The following SMAD3 variants were observed in gnomAD, a reference collection of about 807,000 sequenced individuals.
SMAD3 encodes SMAD family member 3, also known as MAD homolog 3.
A neutral mutation model predicts 51.8 loss-of-function variants in SMAD3; 12 were observed. The ratio of observed to expected loss-of-function variants is 0.23; its 90% CI spans 0.15 to 0.38. The LOEUF (loss-of-function observed/expected upper bound fraction) is 0.38, where lower values mean the gene tolerates loss of function less well. Ranked by LOEUF, SMAD3 falls within the 10% of genes least tolerant of loss-of-function variation. The pLI, the probability that SMAD3 is intolerant of heterozygous loss-of-function variation, is 1.00. For synonymous variants in SMAD3, 238 were observed against 227.7 expected (o/e 1.05, Z -0.41); for missense variants, 294 against 565.6 (o/e 0.52, Z 4.87).
chr15:67,165,825 C>G (rs1050178498), intron 3 of SMAD3, among the ~76,000 whole-genome samples: 3 of 152,180 alleles, frequency 2.0e-5, no homozygotes, highest in African/African-American at 4.8e-5. Flanking sequence ...GTGAGGGGCT[C>G]CAACCTGGGT....
intron 1 of SMAD3, among the ~76,000 whole-genome samples, chr15:67,074,795 T>G (rs1960133061): frequency 6.6e-6 from 1 of 152,218 alleles, no homozygotes; most frequent in Non-Finnish European, 1.5e-5. Context: ...GTTCAAGCAG[T>G]TCTCCTGCCT....
chr15:67,101,166 G>C (rs1017728187), intron 1 of SMAD3, among the ~76,000 whole-genome samples: 3 of 152,144 alleles, frequency 2.0e-5, no homozygotes, highest in African/African-American at 7.2e-5. Context: ...TTAGCGAAAG[G>C]GACTAATTGT....
intron 1 of SMAD3, among the ~76,000 whole-genome samples, chr15:67,153,977 T>C (rs962234796): frequency 6.6e-6 from 1 of 152,226 alleles, no homozygotes; most frequent in African/African-American, 2.4e-5. Flanking sequence ...TCTTTGTGTG[T>C]TTCCAGTGGA....
chr15:67,118,771 G>A (rs1961192569), intron 1 of SMAD3, among the ~76,000 whole-genome samples: 1 of 152,210 alleles, frequency 6.6e-6, no homozygotes, highest in South Asian at 2.1e-4. Flanking sequence ...CAACCCAAAT[G>A]CTGTCTTTGC....
At chr15:67,182,035 C>T (rs952901841) in intron 6 of SMAD3, among the ~76,000 whole-genome samples, 1 of 152,180 alleles carries the variant, frequency 6.6e-6, no homozygotes, top group Non-Finnish European at 1.5e-5. Flanking sequence ...GATCCACCTG[C>T]CTTGGCCTCC....
chr15:67,073,253 A>G (rs1960095884), intron 1 of SMAD3, among the ~76,000 whole-genome samples: 1 of 152,228 alleles, frequency 6.6e-6, no homozygotes, highest in Admixed American at 6.5e-5. Flanking sequence ...AAACAAATCT[A>G]TAGCATACTA....
intron 1 of SMAD3, chr15:67,146,900 T>C (rs1314119124): frequency 1.3e-5 from 2 of 152,186 alleles, no homozygotes; most frequent in Non-Finnish European, 1.5e-5. Flanking sequence ...GCCTGACATA[T>C]GAAGCTGCTA....
intron 4 of SMAD3, among the ~76,000 whole-genome samples, chr15:67,169,313 G>T (rs1317516574): frequency 6.6e-6 from 1 of 152,054 alleles, no homozygotes; most frequent in South Asian, 2.1e-4. Flanking sequence ...GGAGAAATCC[G>T]TGGTTCTTCC....
chr15:67,160,345 T>A (rs919422536), intron 1 of SMAD3, among the ~76,000 whole-genome samples: 1 of 152,216 alleles, frequency 6.6e-6, no homozygotes, highest in Non-Finnish European at 1.5e-5. Context: ...CTAATAAGTA[T>A]GTAGTCCTAT....
intron 8 of SMAD3, among the ~76,000 whole-genome samples, chr15:67,188,136 C>G (rs1387920580): frequency 8.1e-6 from 1 of 124,108 alleles, no homozygotes; most frequent in Non-Finnish European, 1.6e-5. Context: ...ATACTGGTTT[C>G]TTTTTCTTTT....
At chr15:67,116,519 G>A (rs560282228) in intron 1 of SMAD3, among the ~76,000 whole-genome samples, 35 of 152,226 alleles carry the variant, frequency 2.3e-4, no homozygotes, top group African/African-American at 7.5e-4. Context: ...AATGACTGAC[G>A]TGCTGAGCAA....
At chr15:67,167,299 G>A (rs371455876) in intron 4 of SMAD3, among the ~76,000 whole-genome samples, 1 of 152,194 alleles carries the variant, frequency 6.6e-6, no homozygotes, top group African/African-American at 2.4e-5. Context: ...GACAGTAAGA[G>A]CTCAGTGTGT....
chr15:67,123,184 G>C (rs1329778574), intron 1 of SMAD3, among the ~76,000 whole-genome samples: 1 of 53,896 alleles, frequency 1.9e-5, no homozygotes, highest in Non-Finnish European at 3.5e-5. Flanking sequence ...GTGAGACCCT[G>C]TCTCAAAAAA....
intron 1 of SMAD3, among the ~76,000 whole-genome samples, chr15:67,140,675 TG>T (rs1961794633): frequency 6.6e-6 from 1 of 152,202 alleles, no homozygotes; most frequent in African/African-American, 2.4e-5. Flanking sequence ...CCAACTGTCC[TG>T]AACAAACGGG....
intron 1 of SMAD3, among the ~76,000 whole-genome samples, chr15:67,161,806 C>T (rs1386053683): frequency 6.6e-6 from 1 of 152,112 alleles, no homozygotes; most frequent in Non-Finnish European, 1.5e-5. Context: ...GGGCAGAATA[C>T]CCCATTTTAT....
chr15:67,104,755 T>C (rs1011099099), intron 1 of SMAD3, among the ~76,000 whole-genome samples: 5 of 152,380 alleles, frequency 3.3e-5, no homozygotes, highest in Middle Eastern at 3.4e-3. Flanking sequence ...TCTGTGGGCT[T>C]TGCCCACCCT....
At chr15:67,126,547 C>T (rs1961393060) in intron 1 of SMAD3, among the ~76,000 whole-genome samples, 2 of 152,328 alleles carry the variant, frequency 1.3e-5, no homozygotes, top group South Asian at 4.1e-4. Context: ...ACTTCCCCCT[C>T]AGACATTAAA....
At chr15:67,139,676 G>C (rs1346054908) in intron 1 of SMAD3, among the ~76,000 whole-genome samples, 2 of 152,098 alleles carry the variant, frequency 1.3e-5, no homozygotes, top group African/African-American at 2.4e-5. Flanking sequence ...TACGATTCCA[G>C]CTATGTTAAA....
At chr15:67,119,893 C>G (rs1364928628) in intron 1 of SMAD3, among the ~76,000 whole-genome samples, 1 of 152,120 alleles carries the variant, frequency 6.6e-6, no homozygotes, top group Non-Finnish European at 1.5e-5. Flanking sequence ...ACCTCCCAGG[C>G]TCAAGCAATC....
Sources: gnomAD v4.1 joint callset for allele counts (sites outside exome capture counted in the v4.1 genomes callset) on GRCh38, gnomAD v4.1.1 for gene constraint, MANE v1.5 for transcripts, NCBI Gene and HGNC (gene_info 2026-07-23, HGNC 2026-07-21) for gene names.